Variants in POLR1H observed in about 807,000 individuals in gnomAD.
POLR1H encodes the protein RNA polymerase I subunit H, also known as DNA-directed RNA polymerase I subunit RPA12.
A neutral mutation model predicts 15.8 loss-of-function variants in POLR1H; 5 were observed. The ratio of observed to expected loss-of-function variants is 0.32; its 90% confidence interval spans 0.17 to 0.67. The LOEUF is 0.67. Among genes scored for constraint, POLR1H ranks in the 30% least tolerant of loss-of-function variants. The pLI is 0.74. For synonymous variants in POLR1H, 43 were observed against 58.3 expected, an observed-to-expected ratio of 0.74 and a Z score of 1.20; for missense variants, 100 against 163.4, an observed-to-expected ratio of 0.61 and a Z score of 2.11.
Position 30,061,372 on chromosome 6 carries a change from G to T in POLR1H, c.-153G>T. 1 of 798,682 alleles carries T rather than the reference G, an allele frequency of 1.3e-6. No individual in the cohort carries two copies. The highest frequency in any genetic ancestry group is 2.7e-5 in the East Asian group (1 of 37,712). The allele number at this position is 798,682 out of a possible 1,614,324, so 49.5% of individuals were successfully genotyped here. On this transcript the variant is annotated 5_prime_UTR_variant, in exon 1 of 4. Transcript: ENST00000332435. The surrounding 1 kb of genome is among the most constrained non-coding windows in gnomAD (Gnocchi z 5.0). Reference sequence around the variant, plus strand: ...GCTGTCTGGGAATTCCGGGCGTTTCGGCTCCTTGGTCGCAGAGGCAGGAGG... The same window carrying T: ...GCTGTCTGGGAATTCCGGGCGTTTCTGCTCCTTGGTCGCAGAGGCAGGAGG...
upstream of POLR1H, chr6:30,060,204 T>G (rs1764910577): frequency 6.6e-6 from 1 of 152,262 alleles, no homozygotes; most frequent in Non-Finnish European, 1.5e-5. Context: ...CTACAGCTTG[T>G]GTCCTTCATA....
chr6:30,064,617 A>G, intron 3 of POLR1H, 56 bp from the exon 4 acceptor site: 1 of 1,525,374 alleles, frequency 6.6e-7, no homozygotes, highest in Non-Finnish European at 9.0e-7. Context: ...ATCTTATCTT[A>G]TACTACTAGA....
chr6:30,061,987 G>A lies in POLR1H; in HGVS notation c.216G>A (p.Val72=). The change falls in exon 2 of 4, where the codon GTG becomes GTA. Residue 72 remains valine, a synonymous_variant. Transcript: ENST00000332435. This position sits in a 1 kb window ranked among gnomAD's most constrained non-coding sequence, Gnocchi z 5.0. ...TGGGGACAGCCATGCCTATGTCGGTGGAGGAAGGGCCTGAGTGCCAGGGAC... is the reference window on the plus strand; with the variant it reads ...TGGGGACAGCCATGCCTATGTCGGTAGAGGAAGGGCCTGAGTGCCAGGGAC... The part of the protein sequence containing the change: ...HQLGTAMPMS[V]EEGPECQGPV... The A allele has an allele frequency of 6.2e-7, 1 of 1,613,114 alleles. No homozygotes were observed. Among genetic ancestry groups the A allele is most frequent in the Non-Finnish European group, 8.5e-7 (1 of 1,180,030 alleles).
Position 30,064,824 on chromosome 6 carries a change from T to C in POLR1H, c.*127T>C, listed in dbSNP as rs1765378922. ...CTCCCAGAAGAGAATCAGATCATCA[T>C]GTGGGGATTACCATTGTTCCTGGAG... is the stretch of plus-strand genomic sequence containing the variant. On this transcript the variant is annotated 3_prime_UTR_variant, in exon 4 of 4. Coordinates refer to ENST00000332435, the MANE Select transcript of POLR1H (RefSeq NM_170783.4). 1.4e-6 allele frequency: 1 copy of C among 734,010 alleles called. No homozygotes were observed. The highest frequency in any genetic ancestry group is 2.8e-5 in the Admixed American group (1 of 35,692). The allele number at this position is 734,010 out of a possible 1,614,324, so 45.5% of individuals were successfully genotyped here.
chr6:30,062,182 G>A lies in POLR1H; in HGVS notation c.247-42G>A, dbSNP rs781135182. 4.6e-6 allele frequency: 7 copies of A among 1,527,054 alleles called. No homozygotes were observed. In the South Asian group the frequency reaches 6.7e-5, roughly 15 times the overall value. 94.6% of individuals were successfully genotyped at this position (1,527,054 alleles called of 1,614,324 possible). The stretch of plus-strand genomic sequence containing the variant: ...TCGCCTGATTCCTGTGGGAAGTAAG[G>A]GGATATGACCAGGCCTCCCTAACCC... On this transcript the variant is annotated intron_variant, in intron 2 of 3. Coordinates refer to ENST00000332435, the MANE Select transcript of POLR1H (RefSeq NM_170783.4).
chr6:30,062,119 G>A, intron 2 of POLR1H, 102 bp downstream of exon 2: 10 of 1,450,034 alleles, frequency 6.9e-6, no homozygotes, highest in Non-Finnish European at 9.7e-6. Flanking sequence ...TTCCAAGAGG[G>A]AAAAGAGATG....
In POLR1H at chr6:30,062,235, CT is replaced by C; in HGVS notation, c.259del (p.Cys87AlafsTer102). On this transcript the variant is annotated frameshift_variant, in exon 3 of 4. Transcript: ENST00000332435. LOFTEE classifies it high-confidence loss of function. The stretch of plus-strand genomic sequence containing the variant: ...CAGTTTCTTCCCAGGTTGACAGGCG[CT>C]GCCCTCGATGTGGTCATGAAGGAAT... Reference protein sequence around the residue: ...ECQGPVVDRRCPRCGHEGMAY... With the variant: ...ECQGPVVDRRXPRCGHEGMAY... 2 of 1,612,954 alleles carry C rather than the reference CT, an allele frequency of 1.2e-6. No homozygotes were observed. Among genetic ancestry groups the C allele is most frequent in the African/African-American group, 2.7e-5 (2 of 75,050 alleles).
At position 30,062,714 on chromosome 6, in the gene POLR1H, C is replaced by CTT. The variant is rs9278555; in HGVS notation, c.356+409_356+410dup. 1.9e-3 allele frequency among the ~76,000 whole-genome samples: 82 copies of CTT among 42,380 alleles called. 3 individuals are homozygous for CTT. The highest frequency in any genetic ancestry group is 5.1e-3 in the African/African-American group (50 of 9,836). The allele number at this position is 42,380 out of a possible 152,430, so 27.8% of individuals were successfully genotyped here. The stretch of plus-strand genomic sequence containing the variant: ...CACAGACACATGCCACCACGCCTGG[C>CTT]TTTTTTTTTTTTTTTTTTTTTTTTT... On this transcript the variant is annotated intron_variant, in intron 3 of 3. Transcript: ENST00000332435.
intron 3 of POLR1H, among the ~76,000 whole-genome samples, chr6:30,062,860 C>T (rs1765222942): frequency 6.7e-6 from 1 of 150,372 alleles, no homozygotes; most frequent in African/African-American, 2.4e-5. Flanking sequence ...GCATGAGCCA[C>T]CCCGCCTGAC....
chr6:30,061,835 T>C lies in POLR1H; in HGVS notation c.146-82T>C. 1 of 1,554,188 alleles carries C rather than the reference T, an allele frequency of 6.4e-7. No individual in the cohort carries two copies. Among genetic ancestry groups the C allele is most frequent in the Admixed American group, 1.7e-5 (1 of 58,694 alleles). On this transcript the variant is annotated intron_variant, in intron 1 of 3. Coordinates refer to ENST00000332435, the MANE Select transcript of POLR1H (RefSeq NM_170783.4). This position sits in a 1 kb window ranked among gnomAD's most constrained non-coding sequence, Gnocchi z 5.0. ...GGAAAGGATGTAGGGCCTCCTGGCCTAACCAGCCAGGGGAAAGGGGAGGTT... is the reference window on the plus strand; with the variant it reads ...GGAAAGGATGTAGGGCCTCCTGGCCCAACCAGCCAGGGGAAAGGGGAGGTT...
chr6:30,063,027 C>T lies in POLR1H; in HGVS notation c.356+694C>T, dbSNP rs1348154422. 3.9e-5 allele frequency among the ~76,000 whole-genome samples: 6 copies of T among 152,010 alleles called. No individual in the cohort carries two copies. Among genetic ancestry groups the T allele is most frequent in the African/African-American group, 1.2e-4 (5 of 41,386 alleles). On this transcript the variant is annotated intron_variant, in intron 3 of 3. Coordinates refer to ENST00000332435, the MANE Select transcript of POLR1H (RefSeq NM_170783.4). The surrounding 1 kb of genome is among the most constrained non-coding windows in gnomAD (Gnocchi z 4.1). ...TCACACATGACTTAGAGAACATGGG[C>T]TTTCTGAATGCTTTTAAGACCTCAT...
rs1227336045 is a variant in POLR1H, at chr6:30,063,136, G to A, written c.356+803G>A. ...CTGTTTGGGATTTGTTGGACTTTCT[G>A]AAACTGAGAGTGGACTTTTTTTTCA... On this transcript the variant is annotated intron_variant, in intron 3 of 3. Transcript: ENST00000332435. This position sits in a 1 kb window ranked among gnomAD's most constrained non-coding sequence, Gnocchi z 4.1. Among the ~76,000 whole-genome samples the A allele has an allele frequency of 2.0e-5, 3 of 151,594 alleles. No homozygotes were observed. Among genetic ancestry groups the A allele is most frequent in the Non-Finnish European group, 4.4e-5 (3 of 67,874 alleles).
upstream of POLR1H, chr6:30,061,208 T>A: frequency 3.3e-6 from 1 of 305,598 alleles, no homozygotes; most frequent in Non-Finnish European, 6.0e-6. This position sits in a 1 kb window ranked among gnomAD's most constrained non-coding sequence, Gnocchi z 5.0. Flanking sequence ...CAGCCAATCG[T>A]CAACGCGAAA....
At chr6:30,064,218 A>G (rs905142650) in intron 3 of POLR1H, among the ~76,000 whole-genome samples, 4 of 152,282 alleles carry the variant, frequency 2.6e-5, no homozygotes, top group Non-Finnish European at 5.9e-5. Context: ...CCATCTCATC[A>G]AAGGATTAAA....
Position 30,061,499 on chromosome 6 carries a change from C to T in POLR1H, c.-26C>T. 3 of 1,611,240 alleles carry T rather than the reference C, an allele frequency of 1.9e-6. No homozygotes were observed. Among genetic ancestry groups the T allele is most frequent in the Non-Finnish European group, 2.5e-6 (3 of 1,178,802 alleles). On this transcript the variant is annotated 5_prime_UTR_variant, in exon 1 of 4. Coordinates refer to ENST00000332435, the MANE Select transcript of POLR1H (RefSeq NM_170783.4). The surrounding 1 kb of genome is among the most constrained non-coding windows in gnomAD (Gnocchi z 5.0). ...TCTTCTCTCTTTTGTTAATAAACTT[C>T]CAACTCCCTCCTCAGACCCGACCGC...
Position 30,063,724 on chromosome 6 carries a change from C to T in POLR1H, c.357-949C>T, listed in dbSNP as rs1005603451. On this transcript the variant is annotated intron_variant, in intron 3 of 3. Coordinates refer to ENST00000332435, the MANE Select transcript of POLR1H (RefSeq NM_170783.4). The surrounding 1 kb of genome is among the most constrained non-coding windows in gnomAD (Gnocchi z 4.1). ...TGTAGGAATTCTTTGAGGCCTTGGG[C>T]GAGTGCTGTATTCTCAGCATTTGTG... Among the ~76,000 whole-genome samples, 3 of 152,014 alleles carry T rather than the reference C, an allele frequency of 2.0e-5. No homozygotes were observed. The highest frequency in any genetic ancestry group is 4.8e-5 in the African/African-American group (2 of 41,402).
At position 30,061,742 on chromosome 6, in the gene POLR1H, G is replaced by C; in HGVS notation, c.145+73G>C. The C allele has an allele frequency of 6.3e-7, 1 of 1,598,404 alleles. No individual in the cohort carries two copies. Among genetic ancestry groups the C allele is most frequent in the Non-Finnish European group, 8.5e-7 (1 of 1,169,634 alleles). ...AGCTTGGGGAACTCAAGATCGGTTGGGTTGAGGAGGGGATCCTAGAGCAGG... is the reference window on the plus strand; with the variant it reads ...AGCTTGGGGAACTCAAGATCGGTTGCGTTGAGGAGGGGATCCTAGAGCAGG... On this transcript the variant is annotated intron_variant, in intron 1 of 3. Coordinates refer to ENST00000332435, the MANE Select transcript of POLR1H (RefSeq NM_170783.4). This position sits in a 1 kb window ranked among gnomAD's most constrained non-coding sequence, Gnocchi z 5.0.
At chr6:30,062,183 G>C (rs948754387) in intron 2 of POLR1H, 41 bp from the exon 3 acceptor site, 1 of 1,528,560 alleles carries the variant, frequency 6.5e-7, no homozygotes, top group Non-Finnish European at 9.1e-7. Flanking sequence ...GGAAGTAAGG[G>C]GATATGACCA....
intron 3 of POLR1H, among the ~76,000 whole-genome samples, chr6:30,062,714 C>CCTTTTTTTTTTTTTTTTTTTTTTTT (rs749507630): frequency 4.0e-4 from 17 of 42,390 alleles, no homozygotes; most frequent in East Asian, 1.9e-3. Context: ...CCACGCCTGG[C>CCTTTTTTTTTTTTTTTTTTTTTTTT]TTTTTTTTTT....
Sources: gnomAD v4.1 joint callset for allele counts (sites outside exome capture counted in the v4.1 genomes callset) on GRCh38, gnomAD v4.1.1 for gene constraint, Gnocchi (gnomAD v3.1) non-coding constraint, MANE v1.5 for transcripts, NCBI Gene and HGNC (gene_info 2026-07-23, HGNC 2026-07-21) for gene names.